Variants in MACROD2 observed in about 807,000 individuals in gnomAD.
MACROD2 encodes the protein ADP-ribose glycohydrolase MACROD2.
A neutral mutation model predicts 70.4 loss-of-function variants in MACROD2; 36 were observed. The observed-to-expected ratio is 0.51, with a 90% CI of 0.39 to 0.68. The LOEUF is 0.68. Among genes scored for constraint, MACROD2 ranks in the 30% least tolerant of loss-of-function variants. MACROD2 has a pLI of 0.00. For synonymous variants in MACROD2, 172 were observed against 178.8 expected (o/e 0.96, Z 0.30); for missense variants, 496 against 538.4 (o/e 0.92, Z 0.78).
chr20:15,151,104 C>T (rs2076266125), intron 5 of MACROD2, among the ~76,000 whole-genome samples: 1 of 152,066 alleles, frequency 6.6e-6, no homozygotes, highest in African/African-American at 2.4e-5. Flanking sequence ...AGCTGCTAAG[C>T]CGAGAAGATC....
At chr20:14,541,543 A>G (rs1027412353) in intron 4 of MACROD2, among the ~76,000 whole-genome samples, 2 of 151,882 alleles carry the variant, frequency 1.3e-5, no homozygotes, top group African/African-American at 2.4e-5. Context: ...TCTTTAACTT[A>G]CTGTTGTATC....
chr20:15,676,220 A>G (rs2050055217), intron 8 of MACROD2, among the ~76,000 whole-genome samples: 1 of 152,206 alleles, frequency 6.6e-6, no homozygotes, highest in African/African-American at 2.4e-5. Context: ...CCTCCATAAA[A>G]GCTGTAAAAA....
At chr20:14,609,042 T>C (rs1982993529) in intron 4 of MACROD2, among the ~76,000 whole-genome samples, 1 of 152,112 alleles carries the variant, frequency 6.6e-6, no homozygotes, top group African/African-American at 2.4e-5. Context: ...GTGGGGTCTA[T>C]GTGCCACAGA....
chr20:15,601,829 C>G lies in MACROD2; in HGVS notation c.645+101982C>G, dbSNP rs922080400. Among the ~76,000 whole-genome samples the G allele has an allele frequency of 2.6e-5, 4 of 152,166 alleles. No homozygotes were observed. In the East Asian group the frequency reaches 7.7e-4, roughly 29 times the overall value. On this transcript the variant is annotated intron_variant, in intron 8 of 17. Transcript: ENST00000684519. ...GGATCACAAGGTCAGGAGATCGAGA[C>G]CATCCTGGCTAACACAGTGAAACCC...
At chr20:16,038,152 C>T (rs2067259617) in intron 15 of MACROD2, among the ~76,000 whole-genome samples, 1 of 130,866 alleles carries the variant, frequency 7.6e-6, no homozygotes, top group African/African-American at 2.6e-5. Flanking sequence ...GTTAATGGAT[C>T]TTTATTCACT....
At chr20:15,263,916 T>C (rs2077270576) in intron 6 of MACROD2, among the ~76,000 whole-genome samples, 1 of 152,192 alleles carries the variant, frequency 6.6e-6, no homozygotes, top group East Asian at 1.9e-4. Flanking sequence ...GTTTATCAGT[T>C]CTAATAGTTT....
chr20:15,768,154 G>C (rs555812112), intron 8 of MACROD2, among the ~76,000 whole-genome samples: 1 of 152,196 alleles, frequency 6.6e-6, no homozygotes, highest in South Asian at 2.1e-4. Context: ...GTGTGTGTGT[G>C]TGTGTAGTCG....
chr20:14,070,323 TTGTG>T (rs57671586), intron 2 of MACROD2, among the ~76,000 whole-genome samples: 30,706 of 150,304 alleles, frequency 0.2, 3,366 homozygotes, highest in South Asian at 0.28. Context: ...ATAGAGGGGT[TTGTG>T]TGTGTGTGTG....
chr20:15,652,006 A>C (rs2049652456), intron 8 of MACROD2, among the ~76,000 whole-genome samples: 1 of 152,134 alleles, frequency 6.6e-6, no homozygotes, highest in South Asian at 2.1e-4. Context: ...TTGGAGTCAG[A>C]CTTATTGCGT....
At chr20:15,669,928 G>A (rs1160666913) in intron 8 of MACROD2, among the ~76,000 whole-genome samples, 1 of 152,102 alleles carries the variant, frequency 6.6e-6, no homozygotes, top group Admixed American at 6.6e-5. Context: ...GACAGGCATG[G>A]TGCTGTGTGT....
intron 5 of MACROD2, among the ~76,000 whole-genome samples, chr20:15,117,476 TA>T (rs1449968842): frequency 6.6e-6 from 1 of 152,276 alleles, no homozygotes; most frequent in East Asian, 1.9e-4. Flanking sequence ...CTAGAGTAGA[TA>T]AAAATGAAAT....
intron 3 of MACROD2, among the ~76,000 whole-genome samples, chr20:14,314,843 C>A (rs1291790363): frequency 6.6e-6 from 1 of 151,948 alleles, no homozygotes; most frequent in Non-Finnish European, 1.5e-5. Context: ...TGAGTTAAGT[C>A]CTCTACTTGA....
At chr20:15,513,592 G>A (rs2047529086) in intron 8 of MACROD2, among the ~76,000 whole-genome samples, 1 of 152,164 alleles carries the variant, frequency 6.6e-6, no homozygotes. Context: ...ACGTGTGTGA[G>A]ACATTGACAA....
At chr20:15,325,779 T>G (rs1169052606) in intron 6 of MACROD2, among the ~76,000 whole-genome samples, 3 of 152,188 alleles carry the variant, frequency 2.0e-5, no homozygotes, top group Non-Finnish European at 4.4e-5. Context: ...ATGGTGGCCT[T>G]CCCAAAGTTT....
At chr20:15,212,290 TC>T (rs1427955024) in intron 5 of MACROD2, among the ~76,000 whole-genome samples, 1 of 152,224 alleles carries the variant, frequency 6.6e-6, no homozygotes, top group Non-Finnish European at 1.5e-5. Context: ...TCTTTAAACT[TC>T]CTTTCTTCTC....
intron 5 of MACROD2, among the ~76,000 whole-genome samples, chr20:14,930,863 T>TTA (rs539050846): frequency 1.7e-5 from 2 of 120,360 alleles, no homozygotes; most frequent in African/African-American, 6.6e-5. Context: ...TTTTTTTAAG[T>TTA]AAAAAAAAAA....
At chr20:14,575,041 A>AAAAAAAATATATATAT (rs1175447813) in intron 4 of MACROD2, among the ~76,000 whole-genome samples, 1 of 23,862 alleles carries the variant, frequency 4.2e-5, no homozygotes, top group African/African-American at 7.5e-5. Flanking sequence ...AAAAAAAAAA[A>AAAAAAAATATATATAT]ATATTCACAA....
intron 3 of MACROD2, among the ~76,000 whole-genome samples, chr20:14,452,603 G>A (rs997117834): frequency 1.3e-5 from 2 of 152,092 alleles, no homozygotes; most frequent in East Asian, 1.9e-4. Context: ...TGATGAAGTC[G>A]GGTCTGAGAA....
At chr20:15,686,523 G>T (rs1171964885) in intron 8 of MACROD2, among the ~76,000 whole-genome samples, 1 of 152,132 alleles carries the variant, frequency 6.6e-6, no homozygotes, top group Non-Finnish European at 1.5e-5. Flanking sequence ...GCTGAAACTA[G>T]AATAGGTAGT....
Sources: gnomAD v4.1 joint callset for allele counts (sites outside exome capture counted in the v4.1 genomes callset) on GRCh38, gnomAD v4.1.1 for gene constraint, MANE v1.5 for transcripts, NCBI Gene and HGNC (gene_info 2026-07-23, HGNC 2026-07-21) for gene names.